Variants in SLC22A16 observed in about 807,000 individuals in gnomAD.
SLC22A16 encodes the protein WUGSC:RG331P03.1.
SLC22A16 carries 53 observed loss-of-function variants against 52.9 expected under a neutral mutation model. The observed-to-expected ratio is 1.00, with a 90% CI of 0.80 to 1.26. SLC22A16 has a LOEUF of 1.26. Ranked by LOEUF, SLC22A16 falls within the 50% of genes most tolerant of loss-of-function variation. The pLI is 0.00. For synonymous variants in SLC22A16, 291 were observed against 268.8 expected, an observed-to-expected ratio of 1.08 and a Z score of -0.81; for missense variants, 726 against 704.0, an observed-to-expected ratio of 1.03 and a Z score of -0.35.
intron 1 of SLC22A16, among the ~76,000 whole-genome samples, chr6:110,471,344 G>T (rs547500082): frequency 9.8e-5 from 15 of 152,302 alleles, no homozygotes; most frequent in African/African-American, 3.4e-4. Context: ...AATAAAATCT[G>T]TGATGTTTGC....
intron 1 of SLC22A16, among the ~76,000 whole-genome samples, chr6:110,457,592 A>G (rs1201952275): frequency 1.3e-5 from 2 of 152,200 alleles, no homozygotes; most frequent in African/African-American, 4.8e-5. Flanking sequence ...AGTATCACCA[A>G]TCATTAGTTT....
intron 7 of SLC22A16, 141 bp downstream of exon 7, chr6:110,431,030 G>A (rs946426836): frequency 4.5e-6 from 3 of 663,914 alleles, no homozygotes; most frequent in African/African-American, 3.6e-5. Flanking sequence ...CTGGCCAGCT[G>A]TTGGTAATGG....
chr6:110,461,646 C>T (rs772409380), intron 1 of SLC22A16, among the ~76,000 whole-genome samples: 1 of 152,156 alleles, frequency 6.6e-6, no homozygotes, highest in Non-Finnish European at 1.5e-5. Flanking sequence ...GATAGTGTGT[C>T]AGCTCATACA....
intron 7 of SLC22A16, among the ~76,000 whole-genome samples, chr6:110,427,247 C>CAAAAAAA (rs71018390): frequency 5.0e-5 from 3 of 60,546 alleles, no homozygotes; most frequent in Non-Finnish European, 7.2e-5. Context: ...GACCCAATCT[C>CAAAAAAA]AAAAAAAAAA....
intron 5 of SLC22A16, among the ~76,000 whole-genome samples, chr6:110,436,388 G>T (rs1471816584): frequency 6.6e-6 from 1 of 152,186 alleles, no homozygotes; most frequent in African/African-American, 2.4e-5. Flanking sequence ...ACTTTAGGAG[G>T]CTGAGGCAGG....
intron 4 of SLC22A16, chr6:110,440,257 A>AGCCTCCC (rs1313021531): frequency 2.0e-5 from 3 of 152,426 alleles, no homozygotes; most frequent in Admixed American, 1.3e-4. Context: ...CTCCCTCCTC[A>AGCCTCCC]GCCTCCCGAG....
At chr6:110,447,076 T>A in intron 2 of SLC22A16, 86 bp from the exon 3 acceptor site, 1 of 1,020,342 alleles carries the variant, frequency 9.8e-7, no homozygotes, top group Non-Finnish European at 1.5e-6. Context: ...AAGATAGGCA[T>A]TACCTATATA....
chr6:110,468,279 T>G (rs935405252), intron 1 of SLC22A16, among the ~76,000 whole-genome samples: 2 of 152,186 alleles, frequency 1.3e-5, no homozygotes, highest in Admixed American at 6.5e-5. Context: ...GGAGCCCCAG[T>G]GCTTGATGGG....
intron 2 of SLC22A16, among the ~76,000 whole-genome samples, chr6:110,454,030 T>C (rs540855378): frequency 2.6e-5 from 4 of 152,182 alleles, no homozygotes; most frequent in South Asian, 2.1e-4. Flanking sequence ...CTCACTGCCA[T>C]GAGAACAGCA....
chr6:110,447,979 G>T (rs1775240381), intron 2 of SLC22A16, among the ~76,000 whole-genome samples: 1 of 152,144 alleles, frequency 6.6e-6, no homozygotes, highest in Non-Finnish European at 1.5e-5. Flanking sequence ...GATTTTGTGT[G>T]AACTTAGGTT....
intron 1 of SLC22A16, among the ~76,000 whole-genome samples, chr6:110,462,098 T>C (rs560632295): frequency 2.8e-4 from 42 of 152,270 alleles, no homozygotes; most frequent in African/African-American, 7.9e-4. Flanking sequence ...CATCAGATCT[T>C]GTGAGACCCT....
At chr6:110,445,317 C>T (rs1775127445) in intron 3 of SLC22A16, among the ~76,000 whole-genome samples, 1 of 152,168 alleles carries the variant, frequency 6.6e-6, no homozygotes, top group African/African-American at 2.4e-5. Context: ...TCACCCATCC[C>T]TCACAGTGAG....
intron 7 of SLC22A16, among the ~76,000 whole-genome samples, chr6:110,429,519 T>C (rs1407850070): frequency 6.6e-6 from 1 of 152,244 alleles, no homozygotes; most frequent in East Asian, 1.9e-4. Context: ...TTCACTGATA[T>C]TATTGTTTAG....
chr6:110,428,945 C>T (rs17578180), intron 7 of SLC22A16, among the ~76,000 whole-genome samples: 8,801 of 152,094 alleles, frequency 0.058, 296 homozygotes, highest in Middle Eastern at 0.11. Context: ...ATAAAAGGAG[C>T]TTGTTTAAAT....
chr6:110,476,250 G>T, intron 1 of SLC22A16: 4 of 978,572 alleles, frequency 4.1e-6, no homozygotes, highest in Non-Finnish European at 5.6e-6. Flanking sequence ...GCCGCGGAGA[G>T]CACGCACCAG....
intron 6 of SLC22A16, 41 bp from the exon 7 acceptor site, chr6:110,431,311 G>A (rs1582520328): frequency 6.4e-7 from 1 of 1,561,724 alleles, no homozygotes. Context: ...TAAGGCACAA[G>A]TGACCCAGGG....
rs1258348844 is a variant in SLC22A16 at position 110,446,856 on chromosome 6, TA to T, written c.651+16del. On this transcript the variant is annotated intron_variant, in intron 3 of 7. Coordinates refer to ENST00000368919, the MANE Select transcript of SLC22A16 (RefSeq NM_033125.4). Reference sequence around the variant, plus strand: ...AAAAACTGCAGCAGAATTAAAGAAGTAAAAAACACAACTCACCATGGCAAGA... The same window carrying T: ...AAAAACTGCAGCAGAATTAAAGAAGTAAAAACACAACTCACCATGGCAAGA... 1.3e-6 allele frequency: 2 copies of T among 1,592,574 alleles called. No individual in the cohort carries two copies. The highest frequency in any genetic ancestry group is 1.4e-5 in the African/African-American group (1 of 73,388).
Position 110,438,847 on chromosome 6 carries a change from C to G in SLC22A16, c.1184G>C (p.Gly395Ala). The change falls in exon 5 of 8, where the codon GGT becomes GCT. Residue 395 changes from glycine to alanine, a missense_variant and splice_region_variant. Transcript: ENST00000368919. ...GNEYLNLFLL[G>A]VVEIPAYTFV... is the part of the protein sequence containing the mutation. Reference sequence around the variant, plus strand: ...GGTGTAGGCGGGAATTTCCACTACACCTGTCATTGAGCAAGCAGCCCTCTA... The same window carrying G: ...GGTGTAGGCGGGAATTTCCACTACAGCTGTCATTGAGCAAGCAGCCCTCTA... 6.2e-7 allele frequency: 1 copy of G among 1,613,860 alleles called. No homozygotes were observed. The highest frequency in any genetic ancestry group is 8.5e-7 in the Non-Finnish European group (1 of 1,179,846).
chr6:110,456,591 T>C lies in SLC22A16; in HGVS notation c.480A>G (p.Leu160=). 3 of 1,614,128 alleles carry C rather than the reference T, an allele frequency of 1.9e-6. No homozygotes were observed. The highest frequency in any genetic ancestry group is 2.5e-6 in the Non-Finnish European group (3 of 1,180,004). ...RKWLAMLIQP[L]FMFGVLLGSV... ...ATCCCAGTAGGACTCCAAACATAAA[T>C]AGGGGCTGGATCAGCATTGCAAGCC... The change falls in exon 2 of 8, where the codon CTA becomes CTG. Residue 160 remains leucine, a synonymous_variant. Transcript: ENST00000368919.
Sources: allele counts gnomAD v4.1 joint callset (sites outside exome capture counted in the v4.1 genomes callset), GRCh38; gene constraint gnomAD v4.1.1; transcripts MANE v1.5; gene names NCBI Gene and HGNC (gene_info 2026-07-23, HGNC 2026-07-21).